Variants in SCD5 observed in about 807,000 individuals in gnomAD.
SCD5 encodes the protein acyl-CoA-desaturase 4.
A neutral mutation model predicts 30.4 loss-of-function variants in SCD5; 20 were observed. The ratio of observed to expected loss-of-function variants is 0.66; its 90% confidence interval spans 0.46 to 0.96. The LOEUF is 0.96. SCD5 is among the 40% of genes least tolerant of loss of function. The probability of loss-of-function intolerance (pLI) is 0.00; values close to 1 mark genes in which losing one functional copy is unlikely to be tolerated. For missense variants in SCD5, 381 were observed against 443.3 expected, an observed-to-expected ratio of 0.86 and a Z score of 1.26; for synonymous variants, 173 against 176.4, an observed-to-expected ratio of 0.98 and a Z score of 0.16.
At chr4:82,715,687 G>A (rs1378936838) in intron 1 of SCD5, among the ~76,000 whole-genome samples, 1 of 151,562 alleles carries the variant, frequency 6.6e-6, no homozygotes, top group Non-Finnish European at 1.5e-5. Context: ...GCCTTGGTGT[G>A]GGAAATGAGG....
At chr4:82,682,015 A>G (rs1315592349) in intron 2 of SCD5, among the ~76,000 whole-genome samples, 2 of 152,182 alleles carry the variant, frequency 1.3e-5, no homozygotes, top group African/African-American at 4.8e-5. Context: ...TCATTTTAGG[A>G]CTGCTCTAAC....
intron 1 of SCD5, among the ~76,000 whole-genome samples, chr4:82,769,973 G>A (rs1283066748): frequency 6.6e-6 from 1 of 151,986 alleles, no homozygotes; most frequent in African/African-American, 2.4e-5. Context: ...TAACTGAAAT[G>A]CATTTGTTTT....
chr4:82,739,826 G>A (rs932750999), intron 1 of SCD5, among the ~76,000 whole-genome samples: 2 of 152,180 alleles, frequency 1.3e-5, no homozygotes, highest in Non-Finnish European at 2.9e-5. Flanking sequence ...TTAAAGAGAG[G>A]CATATATCTG....
At chr4:82,768,802 C>T (rs1437383018) in intron 1 of SCD5, among the ~76,000 whole-genome samples, 2 of 151,980 alleles carry the variant, frequency 1.3e-5, no homozygotes, top group Non-Finnish European at 2.9e-5. Context: ...CCTCTTGTCC[C>T]CCAGAGCATT....
intron 4 of SCD5, among the ~76,000 whole-genome samples, chr4:82,636,258 T>C (rs568889636): frequency 4.0e-5 from 6 of 149,882 alleles, no homozygotes; most frequent in Admixed American, 6.7e-5. Context: ...CTGGCCACCA[T>C]GGTGAAACCC....
intron 1 of SCD5, among the ~76,000 whole-genome samples, chr4:82,715,844 G>A (rs1449921555): frequency 6.6e-6 from 1 of 151,744 alleles, no homozygotes; most frequent in Non-Finnish European, 1.5e-5. Flanking sequence ...AATGGTTTGG[G>A]GAAGGGAGGA....
intron 3 of SCD5, among the ~76,000 whole-genome samples, chr4:82,665,061 CAT>C (rs200005307): frequency 4.5e-4 from 10 of 22,320 alleles, no homozygotes; most frequent in South Asian, 1.9e-3. Context: ...TACACACACA[CAT>C]ATATATATAT....
intron 1 of SCD5, among the ~76,000 whole-genome samples, chr4:82,789,410 T>C (rs910743466): frequency 2.6e-5 from 4 of 152,140 alleles, no homozygotes; most frequent in Non-Finnish European, 5.9e-5. Flanking sequence ...CAGCCTGTGG[T>C]TGAACTTGTG....
intron 1 of SCD5, among the ~76,000 whole-genome samples, chr4:82,758,848 G>T (rs2148845216): frequency 6.6e-6 from 1 of 152,268 alleles, no homozygotes; most frequent in South Asian, 2.1e-4. Flanking sequence ...GACACAAAGG[G>T]TCACTCATGC....
At chr4:82,632,141 T>C (rs983896315) in intron 4 of SCD5, among the ~76,000 whole-genome samples, 41 of 151,928 alleles carry the variant, frequency 2.7e-4, no homozygotes, top group African/African-American at 8.2e-4. Context: ...ACCCATTAAC[T>C]GGTCATTTAC....
intron 1 of SCD5, among the ~76,000 whole-genome samples, chr4:82,739,498 G>T (rs894029221): frequency 6.6e-6 from 1 of 152,248 alleles, no homozygotes; most frequent in African/African-American, 2.4e-5. Flanking sequence ...TCCCCGCACT[G>T]CCCTGGAGGG....
At chr4:82,644,067 G>A (rs1271700747) in intron 3 of SCD5, among the ~76,000 whole-genome samples, 3 of 152,208 alleles carry the variant, frequency 2.0e-5, no homozygotes, top group East Asian at 1.9e-4. Context: ...TTAGCACACC[G>A]TAGTGGACAT....
At chr4:82,761,557 C>G (rs937182667) in intron 1 of SCD5, among the ~76,000 whole-genome samples, 4 of 152,118 alleles carry the variant, frequency 2.6e-5, no homozygotes, top group Non-Finnish European at 5.9e-5. Flanking sequence ...TCCCACAGCA[C>G]CTTCTCCCAG....
At chr4:82,764,389 A>G (rs1721443587) in intron 1 of SCD5, among the ~76,000 whole-genome samples, 1 of 152,098 alleles carries the variant, frequency 6.6e-6, no homozygotes, top group Admixed American at 6.6e-5. Context: ...CTTTTTGTCT[A>G]ATTGTTCTTT....
intron 3 of SCD5, among the ~76,000 whole-genome samples, chr4:82,638,177 G>C (rs1237011296): frequency 2.0e-5 from 3 of 152,098 alleles, no homozygotes; most frequent in African/African-American, 7.2e-5. Flanking sequence ...ACATGATCTT[G>C]TTCCCTTTTA....
At chr4:82,710,988 C>G (rs73829972) in intron 1 of SCD5, among the ~76,000 whole-genome samples, 4,691 of 152,226 alleles carry the variant, frequency 0.031, 250 homozygotes, top group African/African-American at 0.11. Flanking sequence ...TGATAAATCA[C>G]TTATCACTGT....
At chr4:82,780,610 A>G (rs962821966) in intron 1 of SCD5, among the ~76,000 whole-genome samples, 17 of 152,256 alleles carry the variant, frequency 1.1e-4, no homozygotes, top group African/African-American at 4.1e-4. Flanking sequence ...CAGCATTATC[A>G]CAACAGTGCC....
chr4:82,787,347 C>T (rs554780257), intron 1 of SCD5, among the ~76,000 whole-genome samples: 98 of 151,894 alleles, frequency 6.5e-4, no homozygotes, highest in African/African-American at 2.2e-3. Flanking sequence ...CAGGAACCCT[C>T]CCACAAGGGT....
At chr4:82,709,053 G>A (rs559747621) in intron 1 of SCD5, among the ~76,000 whole-genome samples, 1 of 152,148 alleles carries the variant, frequency 6.6e-6, no homozygotes, top group Non-Finnish European at 1.5e-5. Context: ...AAACTTGACA[G>A]TGATAGAGCC....
Sources: allele counts gnomAD v4.1 joint callset (sites outside exome capture counted in the v4.1 genomes callset), GRCh38; gene constraint gnomAD v4.1.1; transcripts MANE v1.5; gene names NCBI Gene and HGNC (gene_info 2026-07-23, HGNC 2026-07-21).